CDH4: variants seen among roughly 807,000 people sequenced by gnomAD.
CDH4 encodes cadherin 4.
In CDH4, 33 loss-of-function variants were observed where a neutral mutation model predicts 86.0. That is an observed-to-expected ratio of 0.38 (90% CI 0.29 to 0.51). CDH4 has a LOEUF of 0.51. CDH4 is among the 20% of genes least tolerant of loss of function. The pLI, the probability that CDH4 is intolerant of heterozygous loss-of-function variation, is 0.86. For synonymous variants in CDH4, 555 were observed against 549.4 expected (o/e 1.01, Z -0.14); for missense variants, 1,114 against 1,307.4 (o/e 0.85, Z 2.28).
intron 2 of CDH4, among the ~76,000 whole-genome samples, chr20:61,674,553 A>G (rs964309068): frequency 6.6e-6 from 1 of 152,264 alleles, no homozygotes; most frequent in Admixed American, 6.5e-5. Flanking sequence ...CCACCAGCAC[A>G]GTCCCATAGA....
Position 61,517,647 on chromosome 20 carries a change from T to C in CDH4, c.170-225916T>C, listed in dbSNP as rs998483227. On this transcript the variant is annotated intron_variant, in intron 2 of 15. Coordinates refer to ENST00000614565, the MANE Select transcript of CDH4 (RefSeq NM_001794.5). The surrounding 1 kb of genome is among the most constrained non-coding windows in gnomAD (Gnocchi z 6.6). ...CCCTTGAGCTGCAAAGTGAGGAGAA[T>C]GACGGCAGCGCCGCTGTAGGACCAT... 3.3e-5 allele frequency among the ~76,000 whole-genome samples: 5 copies of C among 152,236 alleles called. No individual in the cohort carries two copies. Among genetic ancestry groups the C allele is most frequent in the African/African-American group, 9.6e-5 (4 of 41,536 alleles).
intron 2 of CDH4, among the ~76,000 whole-genome samples, chr20:61,554,811 C>G (rs2086162839): frequency 6.6e-6 from 1 of 152,242 alleles, no homozygotes; most frequent in Non-Finnish European, 1.5e-5. Context: ...CATGTATGCA[C>G]ATGCGTGTGA....
At chr20:61,874,207 G>A (rs142633906) in intron 7 of CDH4, among the ~76,000 whole-genome samples, 220 of 152,156 alleles carry the variant, frequency 1.4e-3, no homozygotes, top group African/African-American at 4.4e-3. Flanking sequence ...AGCTGCACTC[G>A]GGGTCTGGGG....
intron 2 of CDH4, among the ~76,000 whole-genome samples, chr20:61,546,193 G>A (rs892812985): frequency 5.6e-5 from 8 of 142,602 alleles, no homozygotes; most frequent in African/African-American, 7.8e-5. Context: ...TGTGGGATAC[G>A]GTATTCACAT....
chr20:61,453,362 C>A (rs752930381), intron 2 of CDH4, among the ~76,000 whole-genome samples: 3 of 152,144 alleles, frequency 2.0e-5, no homozygotes, highest in Admixed American at 1.3e-4. Context: ...CCAGCAGAGA[C>A]GTCAGGGCTG....
rs535420908 is a variant in CDH4, at chr20:61,396,800, C to T, written c.169+141863C>T. On this transcript the variant is annotated intron_variant, in intron 2 of 15. Transcript: ENST00000614565. ...CATCACTAGCCTAGGAGGGAGATGC[C>T]GGGGGCTGGAAGCCCTGGGGTGGGG... Among the ~76,000 whole-genome samples the T allele has an allele frequency of 3.3e-5, 5 of 152,286 alleles. No individual in the cohort carries two copies. In the South Asian group the frequency reaches 6.2e-4, roughly 19 times the overall value.
chr20:61,586,458 G>A (rs2086476253), intron 2 of CDH4, among the ~76,000 whole-genome samples: 1 of 152,138 alleles, frequency 6.6e-6, no homozygotes, highest in Non-Finnish European at 1.5e-5. Context: ...CACAGTTATT[G>A]TGTTTCTGTG....
chr20:61,520,735 T>C (rs2085862878), intron 2 of CDH4, among the ~76,000 whole-genome samples: 1 of 152,164 alleles, frequency 6.6e-6, no homozygotes, highest in Non-Finnish European at 1.5e-5. Flanking sequence ...CGCCAAGGCT[T>C]CCAGGCCCCG....
At chr20:61,369,777 G>A (rs2084830236) in intron 2 of CDH4, 1 of 152,078 alleles carries the variant, frequency 6.6e-6, no homozygotes, top group South Asian at 2.1e-4. Context: ...CAGGGCTCGG[G>A]GGCACTTCAG....
chr20:61,583,223 C>G (rs76436435), intron 2 of CDH4, among the ~76,000 whole-genome samples: 13 of 68,628 alleles, frequency 1.9e-4, no homozygotes, highest in African/African-American at 6.7e-4. Flanking sequence ...GGGGGACAGA[C>G]GGTTCTGCGG....
At chr20:61,306,368 C>T (rs930845650) in intron 2 of CDH4, among the ~76,000 whole-genome samples, 4 of 151,558 alleles carry the variant, frequency 2.6e-5, no homozygotes, top group Non-Finnish European at 4.4e-5. Flanking sequence ...AACGGAGTCT[C>T]GCTCTGTCAC....
Position 61,864,332 on chromosome 20 carries a change from A to G in CDH4, c.878-9396A>G, listed in dbSNP as rs552349437. Among the ~76,000 whole-genome samples the G allele has an allele frequency of 2.4e-3, 370 of 152,320 alleles. 1 individual carries two copies. The highest frequency in any genetic ancestry group is 0.014 in the Middle Eastern group (4 of 294). ...CTGCGGTGCTTTGGCACAGCAGCCC[A>G]GGAGACCAGTGCAGTCCCCTTTGGG... On this transcript the variant is annotated intron_variant, in intron 6 of 15. Transcript: ENST00000614565.
rs555604559 is a variant in CDH4, at chr20:61,513,331, C to T, written c.170-230232C>T. On this transcript the variant is annotated intron_variant, in intron 2 of 15. Transcript: ENST00000614565. The stretch of plus-strand genomic sequence containing the variant: ...CACGGTCTCTGCAAGCTGGCCAGCA[C>T]GACTGCGGGGGCTAACTTCCTTCTG... Among the ~76,000 whole-genome samples the T allele has an allele frequency of 1.6e-4, 24 of 152,314 alleles. 1 individual carries two copies. Among genetic ancestry groups the T allele is most frequent in the African/African-American group, 1.7e-4 (7 of 41,568 alleles).
rs2086261901 is a variant in CDH4, at chr20:61,565,149, GTAGT to G, written c.170-178413_170-178410del. On this transcript the variant is annotated intron_variant, in intron 2 of 15. Transcript: ENST00000614565. ...GGTGGTGCTGGTCCTCTTGGTGTTGGTAGTGGTCCTCTTGGTGATGGGGTGGTGG... is the reference window on the plus strand; with the variant it reads ...GGTGGTGCTGGTCCTCTTGGTGTTGGGGTCCTCTTGGTGATGGGGTGGTGG... Among the ~76,000 whole-genome samples, 8 of 125,720 alleles carry G rather than the reference GTAGT, an allele frequency of 6.4e-5. 1 individual carries two copies. Among genetic ancestry groups the G allele is most frequent in the East Asian group, 2.2e-4 (1 of 4,514 alleles). The allele number at this position is 125,720 out of a possible 152,430, so 82.5% of individuals were successfully genotyped here. A position where few individuals can be genotyped will look rare whatever the true frequency, so the allele number is the denominator to read the frequency against.
chr20:61,530,036 GTGTT>G (rs758564238), intron 2 of CDH4, among the ~76,000 whole-genome samples: 67 of 151,688 alleles, frequency 4.4e-4, no homozygotes, highest in East Asian at 1.4e-3. Flanking sequence ...GTTTGTTTGT[GTGTT>G]TGTTTGTTTT....
chr20:61,438,998 T>C (rs2085300335), intron 2 of CDH4, among the ~76,000 whole-genome samples: 1 of 152,038 alleles, frequency 6.6e-6, no homozygotes, highest in Admixed American at 6.6e-5. Flanking sequence ...TGAAAACACA[T>C]TGGGTAAAGC....
rs376281317 is a variant in CDH4, at chr20:61,499,464, C to T, written c.170-244099C>T. The T allele has an allele frequency of 1.7e-4, 214 of 1,289,098 alleles. No individual in the cohort carries two copies. The African/African-American group carries it at 2.3e-3, about 14-fold the overall frequency. 79.9% of individuals were successfully genotyped at this position (1,289,098 alleles called of 1,614,324 possible). A position where few individuals can be genotyped will look rare whatever the true frequency, so the allele number is the denominator to read the frequency against. Reference sequence around the variant, plus strand: ...ACGGCAGCTGTGACTTCATTCTCAGCGCCTCCTTTCTACCCTGCTTTAAAG... The same window carrying T: ...ACGGCAGCTGTGACTTCATTCTCAGTGCCTCCTTTCTACCCTGCTTTAAAG... On this transcript the variant is annotated intron_variant, in intron 2 of 15. Transcript: ENST00000614565.
intron 4 of CDH4, among the ~76,000 whole-genome samples, chr20:61,813,589 G>A (rs1345677406): frequency 1.3e-5 from 2 of 152,198 alleles, no homozygotes; most frequent in Non-Finnish European, 2.9e-5. Flanking sequence ...TCTGGGGCTG[G>A]GCCTGGCAGG....
At chr20:61,347,651 G>A (rs2084686863) in intron 2 of CDH4, among the ~76,000 whole-genome samples, 1 of 152,208 alleles carries the variant, frequency 6.6e-6, no homozygotes, top group South Asian at 2.1e-4. Flanking sequence ...GGACCTGGAA[G>A]TCCATTGTTC....
Sources: gnomAD v4.1 joint callset for allele counts (sites outside exome capture counted in the v4.1 genomes callset) on GRCh38, gnomAD v4.1.1 for gene constraint, Gnocchi (gnomAD v3.1) non-coding constraint, MANE v1.5 for transcripts, NCBI Gene and HGNC (gene_info 2026-07-23, HGNC 2026-07-21) for gene names.